The following RHOA variants were observed in gnomAD, a reference collection of about 807,000 sequenced individuals.
The protein encoded by RHOA is ras homolog family member A, also known as transforming protein RhoA.
RHOA carries 3 observed loss-of-function variants against 17.5 expected under a neutral mutation model. The ratio of observed to expected loss-of-function variants is 0.17; its 90% CI spans 0.08 to 0.44. RHOA has a LOEUF of 0.44. Among genes scored for constraint, RHOA ranks in the 20% least tolerant of loss-of-function variants. The pLI, the probability that RHOA is intolerant of heterozygous loss-of-function variation, is 0.99. For synonymous variants in RHOA, 98 were observed against 88.4 expected, an observed-to-expected ratio of 1.11 and a Z score of -0.61; for missense variants, 56 against 242.3, an observed-to-expected ratio of 0.23 and a Z score of 5.10.
intron 2 of RHOA, among the ~76,000 whole-genome samples, chr3:49,374,960 G>A (rs182077210): frequency 1.6e-4 from 25 of 152,132 alleles, no homozygotes; most frequent in Non-Finnish European, 2.6e-4. Flanking sequence ...GGGAGGCTGA[G>A]GCAGGAGAAT....
intron 1 of RHOA, among the ~76,000 whole-genome samples, chr3:49,395,413 T>C (rs1288945365): frequency 1.3e-5 from 2 of 151,756 alleles, no homozygotes; most frequent in East Asian, 2.0e-4. Context: ...CTGTAATTAA[T>C]AGAGAAACAA....
intron 1 of RHOA, among the ~76,000 whole-genome samples, chr3:49,401,159 C>T (rs2048719016): frequency 1.3e-5 from 2 of 151,782 alleles, no homozygotes; most frequent in African/African-American, 4.8e-5. Context: ...TAAGTTACTA[C>T]CCTTCTTTTC....
At chr3:49,396,808 G>C (rs550070330) in intron 1 of RHOA, among the ~76,000 whole-genome samples, 15 of 152,062 alleles carry the variant, frequency 9.9e-5, no homozygotes, top group African/African-American at 2.9e-4. Flanking sequence ...AACATAGTGA[G>C]ACCACATCTT....
intron 3 of RHOA, among the ~76,000 whole-genome samples, chr3:49,367,654 T>G (rs1012531688): frequency 1.3e-5 from 2 of 151,756 alleles, no homozygotes; most frequent in African/African-American, 2.4e-5. Context: ...CTGGAATAGC[T>G]GGGATTACAA....
chr3:49,378,005 C>T (rs1396104629), intron 1 of RHOA, among the ~76,000 whole-genome samples: 4 of 151,240 alleles, frequency 2.6e-5, no homozygotes, highest in South Asian at 2.1e-4. Flanking sequence ...AAAACTTAGC[C>T]GGGTGTGGTG....
intron 4 of RHOA, among the ~76,000 whole-genome samples, chr3:49,361,826 G>A (rs1987628): frequency 0.28 from 42,651 of 151,876 alleles, 6,549 homozygotes; most frequent in Middle Eastern, 0.32. Context: ...GGTTGCAGCC[G>A]AGATAGCATC....
At chr3:49,397,839 A>G (rs894740959) in intron 1 of RHOA, among the ~76,000 whole-genome samples, 7 of 152,332 alleles carry the variant, frequency 4.6e-5, no homozygotes, top group East Asian at 1.9e-4. Context: ...AAGCAAGATC[A>G]TAACAGCTGA....
chr3:49,386,084 A>G (rs1444646514), intron 1 of RHOA, among the ~76,000 whole-genome samples: 1 of 152,164 alleles, frequency 6.6e-6, no homozygotes, highest in African/African-American at 2.4e-5. Flanking sequence ...TATGTATTTT[A>G]GTAACAGTTT....
At chr3:49,381,599 G>A (rs181576833) in intron 1 of RHOA, among the ~76,000 whole-genome samples, 109 of 151,514 alleles carry the variant, frequency 7.2e-4, no homozygotes, top group Middle Eastern at 3.4e-3. Flanking sequence ...TGGCATGGTG[G>A]CTCACGCCTG....
intron 1 of RHOA, among the ~76,000 whole-genome samples, chr3:49,394,264 G>A (rs913417100): frequency 1.4e-4 from 22 of 151,852 alleles, no homozygotes; most frequent in Admixed American, 1.4e-3. Context: ...TCAGCCTCCC[G>A]AAGTGCTAGG....
At chr3:49,405,343 A>G (rs2048814571) in intron 1 of RHOA, among the ~76,000 whole-genome samples, 1 of 151,938 alleles carries the variant, frequency 6.6e-6, no homozygotes, top group South Asian at 2.1e-4. Context: ...AGGCAGGAGA[A>G]TCACTTGAAT....
At chr3:49,392,588 T>G (rs2048529005) in intron 1 of RHOA, among the ~76,000 whole-genome samples, 1 of 152,192 alleles carries the variant, frequency 6.6e-6, no homozygotes, top group African/African-American at 2.4e-5. Flanking sequence ...TCAAGTCATC[T>G]GCCTGCCTCA....
At chr3:49,405,123 T>C (rs578032404) in intron 1 of RHOA, among the ~76,000 whole-genome samples, 57 of 146,114 alleles carry the variant, frequency 3.9e-4, no homozygotes, top group Admixed American at 2.0e-3. Flanking sequence ...CCGGGCGTGG[T>C]GGCGGGCACC....
intron 2 of RHOA, among the ~76,000 whole-genome samples, chr3:49,373,772 G>C (rs2048180981): frequency 6.6e-6 from 1 of 151,464 alleles, no homozygotes; most frequent in South Asian, 2.1e-4. Context: ...CTGCAGGCCT[G>C]GGAGACAAAG....
At position 49,368,640 on chromosome 3, in the gene RHOA, C is replaced by A. The variant is rs1232158942; in HGVS notation, c.157-92G>T. 7 of 1,397,342 alleles carry A rather than the reference C, an allele frequency of 5.0e-6. No homozygotes were observed. The Admixed American group carries it at 1.3e-4, about 26-fold the overall frequency. 86.6% of individuals were successfully genotyped at this position (1,397,342 alleles called of 1,614,324 possible). ...CACTTACCATAGTACATTGAAATGG[C>A]AGACCATTGAAATGGCAGACGGTCT... is the stretch of plus-strand genomic sequence containing the variant. On this transcript the variant is annotated intron_variant, in intron 2 of 4. Coordinates refer to ENST00000418115, the MANE Select transcript of RHOA (RefSeq NM_001664.4).
intron 1 of RHOA, among the ~76,000 whole-genome samples, chr3:49,387,467 G>A (rs763990493): frequency 2.4e-4 from 34 of 141,938 alleles, no homozygotes; most frequent in Non-Finnish European, 3.2e-4. Flanking sequence ...AAAAAGGGTC[G>A]GGCGCGGTGG....
chr3:49,370,396 T>A (rs1575649194), intron 2 of RHOA, among the ~76,000 whole-genome samples: 1 of 152,010 alleles, frequency 6.6e-6, no homozygotes, highest in Non-Finnish European at 1.5e-5. Context: ...AGGGAAGAAA[T>A]CAAATTTTAA....
At chr3:49,406,331 C>T (rs927378432) in intron 1 of RHOA, among the ~76,000 whole-genome samples, 3 of 152,110 alleles carry the variant, frequency 2.0e-5, no homozygotes, top group Non-Finnish European at 4.4e-5. Context: ...AACATACAGA[C>T]TAGGATACAA....
chr3:49,373,795 CTCTT>C (rs1269106931), intron 2 of RHOA, among the ~76,000 whole-genome samples: 4 of 150,222 alleles, frequency 2.7e-5, no homozygotes, highest in Admixed American at 6.7e-5. Flanking sequence ...CAATCCCTGT[CTCTT>C]TATTTAAGAG....
Sources: allele counts gnomAD v4.1 joint callset (sites outside exome capture counted in the v4.1 genomes callset), GRCh38; gene constraint gnomAD v4.1.1; transcripts MANE v1.5; gene names NCBI Gene and HGNC (gene_info 2026-07-23, HGNC 2026-07-21).